Variants in AP1S3 observed in about 807,000 individuals in gnomAD.
AP1S3 encodes the protein AP-1 complex subunit sigma-3.
A neutral mutation model predicts 20.9 loss-of-function variants in AP1S3; 10 were observed. That is an observed-to-expected ratio of 0.48 (90% confidence interval 0.29 to 0.81). The LOEUF (loss-of-function observed/expected upper bound fraction) is 0.81. AP1S3 is among the 30% of genes least tolerant of loss of function. AP1S3 has a pLI of 0.08. For synonymous variants in AP1S3, 41 were observed against 61.5 expected, an observed-to-expected ratio of 0.67 and a Z score of 1.56; for missense variants, 154 against 183.8, an observed-to-expected ratio of 0.84 and a Z score of 0.94.
intron 1 of AP1S3, among the ~76,000 whole-genome samples, chr2:223,834,889 T>C (rs1692360213): frequency 1.3e-5 from 2 of 152,186 alleles, no homozygotes; most frequent in South Asian, 4.2e-4. Flanking sequence ...TGTTTTACAA[T>C]TTTGCAAATC....
At chr2:223,772,187 T>C (rs1690648083) in intron 3 of AP1S3, among the ~76,000 whole-genome samples, 1 of 152,250 alleles carries the variant, frequency 6.6e-6, no homozygotes. Flanking sequence ...GTTTATTAAG[T>C]ATTGCTATCA....
At chr2:223,809,138 C>A (rs1409351614) in intron 1 of AP1S3, among the ~76,000 whole-genome samples, 1 of 152,336 alleles carries the variant, frequency 6.6e-6, no homozygotes, top group Non-Finnish European at 1.5e-5. Context: ...GCAGGTCACT[C>A]CCCTGCACAA....
chr2:223,765,861 C>G (rs1305132790), intron 3 of AP1S3, among the ~76,000 whole-genome samples: 1 of 152,168 alleles, frequency 6.6e-6, no homozygotes, highest in Non-Finnish European at 1.5e-5. Context: ...ACTGGTGCTA[C>G]AGCCCACCCC....
chr2:223,832,135 CTGTGTGTGTGTGTGTG>C lies in AP1S3; in HGVS notation c.3+5297_3+5312del, dbSNP rs774812162. Among the ~76,000 whole-genome samples, 15 of 70,738 alleles carry C rather than the reference CTGTGTGTGTGTGTGTG, an allele frequency of 2.1e-4. 1 individual carries two copies. Among genetic ancestry groups the C allele is most frequent in the South Asian group, 1.0e-3 (2 of 1,910 alleles). The allele number at this position is 70,738 out of a possible 152,430, so 46.4% of individuals were successfully genotyped here. On this transcript the variant is annotated intron_variant, in intron 1 of 4. Transcript: ENST00000396654. ...GGGGATTATTAAAGGAGTTTTCTCT[CTGTGTGTGTGTGTGTG>C]TGTGTGTGTGTGTGTGTGTGTGTGT...
rs530975921 is a variant in AP1S3, at chr2:223,758,353, T to G, written c.*362A>C. 62 of 1,008,776 alleles carry G rather than the reference T, an allele frequency of 6.1e-5. No individual in the cohort carries two copies. The highest frequency in any genetic ancestry group is 9.8e-4 in the Middle Eastern group (2 of 2,038). 62.5% of individuals were successfully genotyped at this position (1,008,776 alleles called of 1,614,324 possible). A position where few individuals can be genotyped will look rare whatever the true frequency, so the allele number is the denominator to read the frequency against. On this transcript the variant is annotated 3_prime_UTR_variant, in exon 5 of 5. Coordinates refer to ENST00000396654, the MANE Select transcript of AP1S3 (RefSeq NM_001039569.2). The stretch of plus-strand genomic sequence containing the variant: ...TATACTTTACATTCAAAATCATGGA[T>G]TATTACAATATTGTGTCAAATGCAA...
intron 3 of AP1S3, among the ~76,000 whole-genome samples, chr2:223,775,371 T>C (rs915735646): frequency 6.6e-6 from 1 of 152,128 alleles, no homozygotes; most frequent in African/African-American, 2.4e-5. Flanking sequence ...AGAATACTTA[T>C]AGCTTAGAAA....
chr2:223,770,573 G>GTATA (rs1690599733), intron 3 of AP1S3, among the ~76,000 whole-genome samples: 1 of 150,270 alleles, frequency 6.7e-6, no homozygotes, highest in Non-Finnish European at 1.5e-5. Context: ...GAAGAGAAAT[G>GTATA]TATATGCAAG....
chr2:223,792,281 C>T (rs1357320920), intron 1 of AP1S3, among the ~76,000 whole-genome samples: 1 of 151,904 alleles, frequency 6.6e-6, no homozygotes, highest in African/African-American at 2.4e-5. Flanking sequence ...TATACTGCTT[C>T]AAACTATGCT....
rs114680153 is a variant in AP1S3 at position 223,778,835 on chromosome 2, T to C, written c.4-966A>G. Among the ~76,000 whole-genome samples the C allele has an allele frequency of 6.3e-3, 952 of 152,094 alleles. 10 individuals carry two copies. Among genetic ancestry groups the C allele is most frequent in the African/African-American group, 0.022 (908 of 41,468 alleles). ...CTTCAGCCTCCCAAGTAGCTGAGAT[T>C]ACACATGCACGCCACCATGCTCAGC... On this transcript the variant is annotated intron_variant, in intron 1 of 4. Coordinates refer to ENST00000396654, the MANE Select transcript of AP1S3 (RefSeq NM_001039569.2).
In AP1S3 at chr2:223,829,031, T is replaced by C. The variant is rs187379907; in HGVS notation, c.3+8417A>G. 8.6e-5 allele frequency among the ~76,000 whole-genome samples: 13 copies of C among 151,952 alleles called. No individual in the cohort carries two copies. In the East Asian group the frequency reaches 2.3e-3, roughly 27 times the overall value. ...TTGTATTTTTAGTACAGATGGGGCT[T>C]CACCATCTTGGCCAAGCTGGTCTTG... On this transcript the variant is annotated intron_variant, in intron 1 of 4. Transcript: ENST00000396654.
chr2:223,776,889 C>T (rs917349219), intron 2 of AP1S3, among the ~76,000 whole-genome samples: 2 of 152,160 alleles, frequency 1.3e-5, no homozygotes, highest in African/African-American at 4.8e-5. Flanking sequence ...TCTTCATGTC[C>T]TCAATGTACT....
intron 1 of AP1S3, among the ~76,000 whole-genome samples, chr2:223,817,530 C>T (rs1274157067): frequency 9.4e-5 from 14 of 149,444 alleles, no homozygotes; most frequent in African/African-American, 3.5e-4. Context: ...ATTGCTTGAA[C>T]CCGGGAGGTG....
At chr2:223,822,922 A>G (rs10173653) in intron 1 of AP1S3, among the ~76,000 whole-genome samples, 4,652 of 152,218 alleles carry the variant, frequency 0.031, 85 homozygotes, top group African/African-American at 0.056. Flanking sequence ...AAAAATGGGC[A>G]AAGAACCTAC....
intron 3 of AP1S3, among the ~76,000 whole-genome samples, chr2:223,770,764 G>A (rs1456813242): frequency 3.3e-5 from 4 of 120,706 alleles, no homozygotes; most frequent in Non-Finnish European, 4.7e-5. Flanking sequence ...GTCTTACTCC[G>A]TCACCCAGGC....
At chr2:223,789,814 G>A (rs529800907) in intron 1 of AP1S3, among the ~76,000 whole-genome samples, 63 of 143,934 alleles carry the variant, frequency 4.4e-4, no homozygotes, top group Non-Finnish European at 8.1e-4. Context: ...CTCCAGCCTC[G>A]GTGATAGTAC....
intron 1 of AP1S3, among the ~76,000 whole-genome samples, chr2:223,804,717 C>CAA (rs746509169): frequency 7.8e-4 from 92 of 118,082 alleles, no homozygotes; most frequent in African/African-American, 2.6e-3. Context: ...GAGACTGTTT[C>CAA]AAAAAAAAAA....
chr2:223,758,637 T>C lies in AP1S3; in HGVS notation c.*78A>G. The C allele has an allele frequency of 6.7e-7, 1 of 1,483,580 alleles. No homozygotes were observed. Among genetic ancestry groups the C allele is most frequent in the Non-Finnish European group, 9.0e-7 (1 of 1,115,392 alleles). The allele number at this position is 1,483,580 out of a possible 1,614,324, so 91.9% of individuals were successfully genotyped here. On this transcript the variant is annotated 3_prime_UTR_variant, in exon 5 of 5. Coordinates refer to ENST00000396654, the MANE Select transcript of AP1S3 (RefSeq NM_001039569.2). ...TTTTGGCATGGTGCCTGAGGCTCCATCAAAAAACCGGATGGGAGGCGTTGC... is the reference window on the plus strand; with the variant it reads ...TTTTGGCATGGTGCCTGAGGCTCCACCAAAAAACCGGATGGGAGGCGTTGC...
intron 1 of AP1S3, among the ~76,000 whole-genome samples, chr2:223,836,313 C>T (rs564231431): frequency 6.6e-5 from 10 of 152,296 alleles, no homozygotes; most frequent in Admixed American, 2.0e-4. Context: ...GCAAGAGGAG[C>T]CTGAGCTATC....
At chr2:223,801,660 T>C (rs1691468816) in intron 1 of AP1S3, among the ~76,000 whole-genome samples, 1 of 152,110 alleles carries the variant, frequency 6.6e-6, no homozygotes, top group South Asian at 2.1e-4. Flanking sequence ...GCCAGGCTGG[T>C]CTCGAACTCC....
Sources: gnomAD v4.1 joint callset for allele counts (sites outside exome capture counted in the v4.1 genomes callset) on GRCh38, gnomAD v4.1.1 for gene constraint, MANE v1.5 for transcripts, NCBI Gene and HGNC (gene_info 2026-07-23, HGNC 2026-07-21) for gene names.